PRDM16: variants seen among roughly 807,000 people sequenced by gnomAD.
PRDM16 encodes histone-lysine N-methyltransferase PRDM16.
PRDM16 carries 23 observed loss-of-function variants against 110.6 expected under a neutral mutation model. The observed-to-expected ratio is 0.21, with a 90% CI of 0.15 to 0.29. The LOEUF (loss-of-function observed/expected upper bound fraction) is 0.29, where lower values mean the gene tolerates loss of function less well. Among genes scored for constraint, PRDM16 ranks in the 10% least tolerant of loss-of-function variants. The pLI is 1.00. For missense variants in PRDM16, 1,615 were observed against 1,794.3 expected (o/e 0.90, Z 1.81); for synonymous variants, 799 against 781.8 (o/e 1.02, Z -0.37).
At chr1:3,154,280 C>T (rs2100729119) in intron 1 of PRDM16, among the ~76,000 whole-genome samples, 1 of 152,288 alleles carries the variant, frequency 6.6e-6, no homozygotes, top group East Asian at 1.9e-4. Context: ...TCTCCCTGGG[C>T]GGCGTGGTGG....
At chr1:3,185,205 A>G (rs1050326444) in intron 1 of PRDM16, among the ~76,000 whole-genome samples, 2 of 152,152 alleles carry the variant, frequency 1.3e-5, no homozygotes, top group East Asian at 3.9e-4. Context: ...ACAATCTGGT[A>G]TAGTTTCGGC....
At chr1:3,220,233 A>G (rs964999623) in intron 2 of PRDM16, among the ~76,000 whole-genome samples, 1 of 152,024 alleles carries the variant, frequency 6.6e-6, no homozygotes, top group African/African-American at 2.4e-5. Flanking sequence ...GCCCCACAGC[A>G]CGCCCAGCCT....
intron 1 of PRDM16, among the ~76,000 whole-genome samples, chr1:3,156,109 G>C (rs1295115331): frequency 6.6e-6 from 1 of 152,206 alleles, no homozygotes; most frequent in East Asian, 1.9e-4. Flanking sequence ...AGACAGAGGA[G>C]ATGACAAATA....
chr1:3,258,759 C>T (rs1367140923), intron 3 of PRDM16, among the ~76,000 whole-genome samples: 1 of 152,214 alleles, frequency 6.6e-6, no homozygotes, highest in Non-Finnish European at 1.5e-5. Context: ...CCACTGTAGC[C>T]GGCTCACGCA....
At chr1:3,272,856 A>C (rs1232437988) in intron 3 of PRDM16, among the ~76,000 whole-genome samples, 1 of 152,124 alleles carries the variant, frequency 6.6e-6, no homozygotes, top group African/African-American at 2.4e-5. Context: ...TGTGCCGATG[A>C]AGGGGACACA....
chr1:3,352,656 C>G (rs1642517687), intron 3 of PRDM16, among the ~76,000 whole-genome samples: 1 of 152,260 alleles, frequency 6.6e-6, no homozygotes, highest in South Asian at 2.1e-4. Context: ...CTGGAATCGC[C>G]TAATGCACGG....
At chr1:3,111,322 G>A in intron 1 of PRDM16, among the ~76,000 whole-genome samples, 1 of 152,072 alleles carries the variant, frequency 6.6e-6, no homozygotes. Flanking sequence ...TCCTGCACTG[G>A]GCAGTGGGGG....
intron 1 of PRDM16, among the ~76,000 whole-genome samples, chr1:3,078,656 G>A (rs1037734706): frequency 6.6e-6 from 1 of 152,232 alleles, no homozygotes; most frequent in Non-Finnish European, 1.5e-5. Context: ...AATGAAATTC[G>A]TTTCTCTAGT....
intron 1 of PRDM16, among the ~76,000 whole-genome samples, chr1:3,142,199 G>A (rs984131172): frequency 2.0e-5 from 3 of 152,264 alleles, no homozygotes; most frequent in Non-Finnish European, 2.9e-5. Context: ...GCTGGGGGCA[G>A]CTGTCAGTCA....
intron 4 of PRDM16, among the ~76,000 whole-genome samples, chr1:3,387,309 G>A (rs1454887256): frequency 6.6e-6 from 1 of 152,164 alleles, no homozygotes. Context: ...CTGCTAGATG[G>A]CTCTCTCCAA....
intron 2 of PRDM16, among the ~76,000 whole-genome samples, chr1:3,217,814 C>A (rs965887486): frequency 2.0e-5 from 3 of 152,232 alleles, no homozygotes; most frequent in Non-Finnish European, 4.4e-5. Flanking sequence ...GACGCGCGCT[C>A]TTCCCCCTAG....
chr1:3,162,183 G>A (rs769530741), intron 1 of PRDM16, among the ~76,000 whole-genome samples: 79 of 152,252 alleles, frequency 5.2e-4, no homozygotes, highest in Admixed American at 2.7e-3. Context: ...GGGCCACTGC[G>A]GAACCATCAC....
intron 1 of PRDM16, among the ~76,000 whole-genome samples, chr1:3,129,083 TGC>T (rs1643275584): frequency 6.6e-6 from 1 of 152,106 alleles, no homozygotes; most frequent in Admixed American, 6.5e-5. Flanking sequence ...TGCATGTGTG[TGC>T]GTTTCCTGGC....
At chr1:3,234,890 C>T (rs1353590091) in intron 2 of PRDM16, among the ~76,000 whole-genome samples, 1 of 152,242 alleles carries the variant, frequency 6.6e-6, no homozygotes, top group Non-Finnish European at 1.5e-5. Flanking sequence ...GGAGGACGGG[C>T]CTGCCTGTAA....
At chr1:3,404,023 A>G (rs922550446) in intron 6 of PRDM16, among the ~76,000 whole-genome samples, 2 of 152,222 alleles carry the variant, frequency 1.3e-5, no homozygotes, top group Non-Finnish European at 2.9e-5. Flanking sequence ...ATAAATCACA[A>G]TTAACAACGG....
chr1:3,375,318 C>G (rs1431941912), intron 3 of PRDM16, among the ~76,000 whole-genome samples: 1 of 152,250 alleles, frequency 6.6e-6, no homozygotes, highest in African/African-American at 2.4e-5. Flanking sequence ...ACAGACCCTG[C>G]TCTTTCCACG....
intron 3 of PRDM16, among the ~76,000 whole-genome samples, chr1:3,262,910 G>T (rs944801187): frequency 6.6e-6 from 1 of 152,216 alleles, no homozygotes; most frequent in South Asian, 2.1e-4. Context: ...CTGCCGCGAC[G>T]GTGCTGGGAG....
At chr1:3,389,758 AACATCCCTGCAC>A (rs1387706927) in intron 4 of PRDM16, among the ~76,000 whole-genome samples, 1 of 152,178 alleles carries the variant, frequency 6.6e-6, no homozygotes, top group Non-Finnish European at 1.5e-5. Context: ...CTGGGAGCAA[AACATCCCTGCAC>A]ACAGCTGCGG....
At position 3,411,899 on chromosome 1, in the gene PRDM16, G is replaced by T. The variant is rs763028317; in HGVS notation, c.1702G>T (p.Gly568Cys). 6.2e-7 allele frequency: 1 copy of T among 1,613,540 alleles called. No individual in the cohort carries two copies. The highest frequency in any genetic ancestry group is 1.7e-5 in the Admixed American group (1 of 59,980). Residue 568 changes from glycine to cysteine, a missense_variant, in exon 9 of 17, where the codon GGC becomes TGC. Coordinates refer to ENST00000270722, the MANE Select transcript of PRDM16 (RefSeq NM_022114.4). ...CTCCGCCGTCAGCAACAGCAGCCAG[G>T]GCACGACGGCAGCTGCGGGGCCCGA... ...LVSAVSNSSQ[G>C]TTAAAGPEEK...
Sources: gnomAD v4.1 joint callset for allele counts (sites outside exome capture counted in the v4.1 genomes callset) on GRCh38, gnomAD v4.1.1 for gene constraint, MANE v1.5 for transcripts, NCBI Gene and HGNC (gene_info 2026-07-23, HGNC 2026-07-21) for gene names.